FGF13: variants seen among roughly 807,000 people sequenced by gnomAD.
FGF13 encodes fibroblast growth factor homologous factor 2.
A neutral mutation model predicts 19.5 loss-of-function variants in FGF13; 2 were observed. That is an observed-to-expected ratio of 0.10 (90% CI 0.04 to 0.32). FGF13 has a LOEUF of 0.32. FGF13 is among the 10% of genes least tolerant of loss of function. FGF13 has a pLI of 1.00. For missense variants in FGF13, 113 were observed against 192.7 expected, an observed-to-expected ratio of 0.59 and a Z score of 2.45; for synonymous variants, 72 against 76.9, an observed-to-expected ratio of 0.94 and a Z score of 0.33.
chrX:138,911,545 C>T (rs1337507788), intron 1 of FGF13, among the ~76,000 whole-genome samples: 1 of 110,348 alleles, frequency 9.1e-6, no homozygotes. Context: ...TGAAATAATA[C>T]GTACAACAAA....
intron 1 of FGF13, among the ~76,000 whole-genome samples, chrX:138,926,605 G>C (rs1417139489): frequency 9.0e-6 from 1 of 111,729 alleles, no homozygotes; most frequent in Non-Finnish European, 1.9e-5. Context: ...CCCATTCCAT[G>C]TTGAACAAAC....
intron 1 of FGF13, among the ~76,000 whole-genome samples, chrX:139,200,724 A>C (rs2084408534): frequency 8.9e-6 from 1 of 112,642 alleles, no homozygotes; most frequent in Admixed American, 9.3e-5. Flanking sequence ...CAGTTTTGAA[A>C]GCGAGAATTA....
chrX:139,078,844 C>G (rs753530084), intron 1 of FGF13, among the ~76,000 whole-genome samples: 5 of 112,793 alleles, frequency 4.4e-5, no homozygotes, highest in African/African-American at 6.4e-5. Context: ...TACAGAGGAA[C>G]AAAATTGGTG....
chrX:138,998,155 G>A (rs1366622709), intron 1 of FGF13, among the ~76,000 whole-genome samples: 1 of 111,374 alleles, frequency 9.0e-6, no homozygotes, highest in Non-Finnish European at 1.9e-5. Context: ...TCACCACCAG[G>A]CCTGCCTTAC....
chrX:139,142,653 T>C (rs933158738), intron 1 of FGF13, among the ~76,000 whole-genome samples: 2 of 112,137 alleles, frequency 1.8e-5, no homozygotes, highest in African/African-American at 6.5e-5. Context: ...GTGTTATTTC[T>C]TGGAGCCTTG....
chrX:139,056,302 T>A (rs1479125588), intron 1 of FGF13, among the ~76,000 whole-genome samples: 7 of 112,509 alleles, frequency 6.2e-5, no homozygotes, highest in Admixed American at 5.6e-4. Context: ...TTGAAGTAAA[T>A]TCACAGTGAG....
intron 1 of FGF13, among the ~76,000 whole-genome samples, chrX:139,154,690 G>A (rs2083963617): frequency 8.9e-6 from 1 of 112,000 alleles, no homozygotes. Flanking sequence ...TGCGGCAAGT[G>A]TAGTCAGGAG....
intron 1 of FGF13, among the ~76,000 whole-genome samples, chrX:139,063,663 G>C (rs1846265504): frequency 9.0e-6 from 1 of 111,643 alleles, no homozygotes. Flanking sequence ...CTATAATCTA[G>C]TTTATAGTTG....
At chrX:139,049,161 A>C (rs2092296923) in intron 1 of FGF13, among the ~76,000 whole-genome samples, 1 of 111,485 alleles carries the variant, frequency 9.0e-6, no homozygotes, top group African/African-American at 3.3e-5. Context: ...GTGGAAGCTA[A>C]AAAAATTGAA....
chrX:139,022,314 A>G lies in FGF13; in HGVS notation c.-112-157664T>C, dbSNP rs528742594. Among the ~76,000 whole-genome samples the G allele has an allele frequency of 2.7e-5, 3 of 112,385 alleles. No homozygotes were observed. In the South Asian group the frequency reaches 1.1e-3, roughly 41 times the overall value. On this transcript the variant is annotated intron_variant, in intron 1 of 2. Transcript: ENST00000421460. ...CTCCAACCTTCGGTTACATAGCAGCATTGGGGTACTCAAGTCATTTATATT... is the reference window on the plus strand; with the variant it reads ...CTCCAACCTTCGGTTACATAGCAGCGTTGGGGTACTCAAGTCATTTATATT...
At chrX:139,146,053 G>A (rs960809541) in intron 1 of FGF13, among the ~76,000 whole-genome samples, 2 of 111,594 alleles carry the variant, frequency 1.8e-5, no homozygotes, top group East Asian at 5.7e-4. Flanking sequence ...CAGGACATAG[G>A]CATGGGCAAG....
At chrX:138,714,418 A>G (rs140333976), upstream of FGF13, among the ~76,000 whole-genome samples, 1,254 of 112,307 alleles carry the variant, frequency 0.011, 20 homozygotes, top group African/African-American at 0.039. Flanking sequence ...GGCTGAGGCA[A>G]GCAGATCACC....
At position 138,732,261 on chromosome X, in the gene FGF13, C is replaced by T. The variant is rs1293256667; in HGVS notation, c.28+6981G>A. On this transcript the variant is annotated intron_variant, in intron 1 of 4. Coordinates refer to the FGF13 transcript ENST00000305414. The stretch of plus-strand genomic sequence containing the variant: ...GGTTTTTGTCCAAAAGAAATAAAAA[C>T]ATTTGTCCACAAAAAGATTGGTAAA... 9.0e-5 allele frequency among the ~76,000 whole-genome samples: 10 copies of T among 111,698 alleles called. No homozygotes were observed. In the Admixed American group the frequency reaches 9.5e-4, roughly 11 times the overall value.
At chrX:138,877,864 T>A (rs770268358) in intron 1 of FGF13, among the ~76,000 whole-genome samples, 11 of 112,514 alleles carry the variant, frequency 9.8e-5, no homozygotes, top group African/African-American at 3.5e-4. Flanking sequence ...TTTGAGCTAA[T>A]CGTGAGTAAC....
At chrX:139,102,758 G>C (rs755463186) in intron 1 of FGF13, among the ~76,000 whole-genome samples, 2 of 112,416 alleles carry the variant, frequency 1.8e-5, no homozygotes, top group Non-Finnish European at 3.8e-5. Flanking sequence ...CAAATGGGCC[G>C]TACAGACGGT....
At chrX:138,633,540 A>G (rs1296400188) in intron 4 of FGF13, among the ~76,000 whole-genome samples, 1 of 112,420 alleles carries the variant, frequency 8.9e-6, no homozygotes, top group Non-Finnish European at 1.9e-5. Flanking sequence ...AATTTAAAAT[A>G]TTTTAAAACA....
intron 1 of FGF13, among the ~76,000 whole-genome samples, chrX:138,947,218 G>T (rs1192910424): frequency 9.0e-6 from 1 of 111,658 alleles, no homozygotes; most frequent in East Asian, 2.8e-4. Flanking sequence ...ATGAATAAAC[G>T]ATGACTGTGA....
intron 1 of FGF13, among the ~76,000 whole-genome samples, chrX:138,881,872 A>G (rs115407413): frequency 0.028 from 3,060 of 110,000 alleles, 111 homozygotes; most frequent in African/African-American, 0.096. Context: ...TTGATTCTCC[A>G]TATTGTTTTT....
chrX:138,875,568 C>T (rs759993960), intron 1 of FGF13, among the ~76,000 whole-genome samples: 1 of 112,095 alleles, frequency 8.9e-6, no homozygotes, highest in East Asian at 2.8e-4. Flanking sequence ...GTTGGTCAAA[C>T]ATTATTCTAG....
Sources: allele counts gnomAD v4.1 joint callset (sites outside exome capture counted in the v4.1 genomes callset), GRCh38; gene constraint gnomAD v4.1.1; transcripts MANE v1.5; gene names NCBI Gene and HGNC (gene_info 2026-07-23, HGNC 2026-07-21).